Variants in XKR6 observed in about 807,000 individuals in gnomAD.
The protein encoded by XKR6 is XK related 6.
In XKR6, 22 loss-of-function variants were observed where a neutral mutation model predicts 56.7. The ratio of observed to expected loss-of-function variants is 0.39; its 90% CI spans 0.28 to 0.55. The LOEUF is 0.55. Among genes scored for constraint, XKR6 ranks in the 20% least tolerant of loss-of-function variants. The pLI is 0.66. For synonymous variants in XKR6, 524 were observed against 387.8 expected (o/e 1.35, Z -4.13); for missense variants, 852 against 889.0 (o/e 0.96, Z 0.53).
At chr8:11,194,337 T>G (rs1332089677) in intron 1 of XKR6, 1 of 152,240 alleles carries the variant, frequency 6.6e-6, no homozygotes, top group Non-Finnish European at 1.5e-5. Context: ...ATTCCACCAG[T>G]CATTCCCTTC....
intron 1 of XKR6, among the ~76,000 whole-genome samples, chr8:11,093,044 C>CTCTT (rs59901013): frequency 0.34 from 51,594 of 151,574 alleles, 13,349 homozygotes; most frequent in African/African-American, 0.73. Flanking sequence ...CTCTTTCTTT[C>CTCTT]TCTTTCTTTT....
rs555294845 is a variant in XKR6 at position 10,988,650 on chromosome 8, T to C, written c.765-63820A>G. Among the ~76,000 whole-genome samples the C allele has an allele frequency of 6.6e-5, 10 of 152,324 alleles. No individual in the cohort carries two copies. In the South Asian group the frequency reaches 1.9e-3, roughly 28 times the overall value. On this transcript the variant is annotated intron_variant, in intron 1 of 2. Transcript: ENST00000416569. ...TGACAAGGGCACACCCCTGGGCCTG[T>C]CTGGGACATGTCACCTGCTCAGAGC...
chr8:11,002,589 C>G (rs912781709), intron 1 of XKR6: 1 of 179,954 alleles, frequency 5.6e-6, no homozygotes, highest in Non-Finnish European at 1.2e-5. Flanking sequence ...GTCACCCTCC[C>G]AGCCAGCACA....
chr8:11,151,681 C>T (rs1307969021), intron 1 of XKR6, among the ~76,000 whole-genome samples: 1 of 151,754 alleles, frequency 6.6e-6, no homozygotes, highest in Non-Finnish European at 1.5e-5. Flanking sequence ...ATCCATTTGT[C>T]AGTCTTTGAA....
chr8:11,137,467 CG>C (rs1393371859), intron 1 of XKR6: 12 of 430,528 alleles, frequency 2.8e-5, no homozygotes, highest in Admixed American at 7.8e-5. Flanking sequence ...TCAGCCGACA[CG>C]GAAGTCTTAT....
chr8:11,164,172 A>C (rs17782536), intron 1 of XKR6, among the ~76,000 whole-genome samples: 1 of 152,076 alleles, frequency 6.6e-6, no homozygotes, highest in Non-Finnish European at 1.5e-5. Flanking sequence ...ATCATCCCAC[A>C]GGCTTCAGCT....
At chr8:10,970,303 C>T (rs749428084) in intron 1 of XKR6, among the ~76,000 whole-genome samples, 4 of 152,130 alleles carry the variant, frequency 2.6e-5, no homozygotes, top group South Asian at 4.1e-4. Context: ...GTACTGAGGT[C>T]GCGACAGCCC....
Position 10,985,489 on chromosome 8 carries a change from GC to G in XKR6, c.765-60660del, listed in dbSNP as rs1314396316. On this transcript the variant is annotated intron_variant, in intron 1 of 2. Coordinates refer to ENST00000416569, the MANE Select transcript of XKR6 (RefSeq NM_173683.4). ...AAATCTAGGTGTGTCTAATTCTAAAGCTTGTTCCCTTAACCGTGACACTCTA... is the reference window on the plus strand; with the variant it reads ...AAATCTAGGTGTGTCTAATTCTAAAGTTGTTCCCTTAACCGTGACACTCTA... Among the ~76,000 whole-genome samples the G allele has an allele frequency of 2.6e-5, 4 of 151,144 alleles. No individual in the cohort carries two copies. In the South Asian group the frequency reaches 6.2e-4, roughly 24 times the overall value.
At chr8:10,963,429 A>T (rs1802123913) in intron 1 of XKR6, among the ~76,000 whole-genome samples, 1 of 152,102 alleles carries the variant, frequency 6.6e-6, no homozygotes, top group African/African-American at 2.4e-5. Context: ...CTTTGCTTCG[A>T]TACCTGCCTC....
At chr8:11,091,258 C>G (rs924073929) in intron 1 of XKR6, among the ~76,000 whole-genome samples, 9 of 151,956 alleles carry the variant, frequency 5.9e-5, no homozygotes, top group Non-Finnish European at 1.3e-4. Flanking sequence ...CAGTGAGACC[C>G]CATCTCTACA....
At chr8:10,931,227 C>G (rs902675025) in intron 1 of XKR6, among the ~76,000 whole-genome samples, 4 of 152,144 alleles carry the variant, frequency 2.6e-5, no homozygotes, top group Non-Finnish European at 5.9e-5. Context: ...TCTACTGAAA[C>G]ATGCAGGATT....
intron 1 of XKR6, among the ~76,000 whole-genome samples, chr8:11,098,009 C>T (rs1020783997): frequency 1.3e-5 from 2 of 151,900 alleles, no homozygotes; most frequent in Non-Finnish European, 2.9e-5. Flanking sequence ...TTCTGGGAAC[C>T]GGTGCAATTT....
chr8:11,123,560 G>A (rs1049968874), intron 1 of XKR6: 2 of 266,144 alleles, frequency 7.5e-6, no homozygotes, highest in African/African-American at 4.5e-5. Context: ...ACCTCAAACT[G>A]GAACTAATAG....
intron 1 of XKR6, among the ~76,000 whole-genome samples, chr8:11,184,388 T>TACATAC (rs940341331): frequency 2.1e-5 from 3 of 146,156 alleles, no homozygotes; most frequent in African/African-American, 7.5e-5. Flanking sequence ...TATACACACA[T>TACATAC]ACACACACAC....
At chr8:11,121,526 C>A (rs1206947691) in intron 1 of XKR6, among the ~76,000 whole-genome samples, 1 of 152,154 alleles carries the variant, frequency 6.6e-6, no homozygotes, top group Admixed American at 6.5e-5. Context: ...ATTAAAAAGT[C>A]AGGAAACAAC....
chr8:11,137,741 T>G (rs1008803233), intron 1 of XKR6: 1 of 455,850 alleles, frequency 2.2e-6, no homozygotes, highest in African/African-American at 2.0e-5. Context: ...ACCAGTTGGC[T>G]CTGAATCGAA....
intron 1 of XKR6, among the ~76,000 whole-genome samples, chr8:11,177,807 C>G (rs894598610): frequency 3.9e-5 from 6 of 152,226 alleles, no homozygotes; most frequent in Non-Finnish European, 8.8e-5. Flanking sequence ...TGACTGCAGA[C>G]TTCTAGCCTC....
chr8:11,020,413 A>G (rs963743107), intron 1 of XKR6, among the ~76,000 whole-genome samples: 3 of 152,174 alleles, frequency 2.0e-5, no homozygotes, highest in Non-Finnish European at 2.9e-5. Context: ...TTGAGTCCCA[A>G]TGATGTGGCA....
chr8:11,173,347 A>AT (rs1802475946), intron 1 of XKR6, among the ~76,000 whole-genome samples: 1 of 137,198 alleles, frequency 7.3e-6, no homozygotes, highest in African/African-American at 3.2e-5. Context: ...CCGCCTTAAA[A>AT]AAAATATATA....
Sources: allele counts gnomAD v4.1 joint callset (sites outside exome capture counted in the v4.1 genomes callset), GRCh38; gene constraint gnomAD v4.1.1; transcripts MANE v1.5; gene names NCBI Gene and HGNC (gene_info 2026-07-23, HGNC 2026-07-21).